Variants in CEP104 observed in about 807,000 individuals in gnomAD.
The protein encoded by CEP104 is centrosomal protein of 104 kDa.
In CEP104, 84 loss-of-function variants were observed where a neutral mutation model predicts 113.3. The ratio of observed to expected loss-of-function variants is 0.74; its 90% confidence interval spans 0.62 to 0.89. The LOEUF (loss-of-function observed/expected upper bound fraction) is 0.89, where lower values mean the gene tolerates loss of function less well. Among genes scored for constraint, CEP104 ranks in the 40% least tolerant of loss-of-function variants. The probability of loss-of-function intolerance (pLI) is 0.00; values close to 1 mark genes in which losing one functional copy is unlikely to be tolerated. For synonymous variants in CEP104, 378 were observed against 421.7 expected (o/e 0.90, Z 1.27); for missense variants, 1,053 against 1,156.6 (o/e 0.91, Z 1.30).
intron 2 of CEP104, 46 bp downstream of exon 2, chr1:3,852,248 AC>A: frequency 1.3e-6 from 2 of 1,575,142 alleles, no homozygotes; most frequent in Non-Finnish European, 1.7e-6. Context: ...CTCCTCAGGG[AC>A]CCGAGGCTGC....
rs1477338236 is a variant in CEP104, at chr1:3,848,739, C to T, written c.156G>A (p.Glu52=). 6.2e-7 allele frequency: 1 copy of T among 1,612,002 alleles called. No homozygotes were observed. Among genetic ancestry groups the T allele is most frequent in the African/African-American group, 1.3e-5 (1 of 74,790 alleles). ...ACTGCAGTTTCCTTATTCGACATCT[C>T]TCCACCATTTGAAGGACAATTTCTT... ...FPQEIVLQMV[E]RCRIRKLQLL... Residue 52 remains glutamate (E), a synonymous_variant, in exon 3 of 22, where the codon GAG becomes GAA. Transcript: ENST00000378230.
chr1:3,828,417 T>C (rs1306058127), intron 15 of CEP104, among the ~76,000 whole-genome samples: 1 of 152,192 alleles, frequency 6.6e-6, no homozygotes, highest in Non-Finnish European at 1.5e-5. Context: ...CAGCATTTGG[T>C]GGAAATGTCA....
rs374111786 is a variant in CEP104 at position 3,816,422 on chromosome 1, C to T, written c.2572-52G>A. The stretch of plus-strand genomic sequence containing the variant: ...TTAATCAGGCGAGACGGACCTGGCA[C>T]GCTACCTGAGACCCAAAAGGACTCG... On this transcript the variant is annotated intron_variant, in intron 20 of 21. Coordinates refer to ENST00000378230, the MANE Select transcript of CEP104 (RefSeq NM_014704.4). 2.8e-5 allele frequency: 40 copies of T among 1,434,798 alleles called. 1 individual carries two copies. Among genetic ancestry groups the T allele is most frequent in the East Asian group, 2.8e-4 (11 of 39,728 alleles). 88.9% of individuals were successfully genotyped at this position (1,434,798 alleles called of 1,614,324 possible). A position where few individuals can be genotyped will look rare whatever the true frequency, so the allele number is the denominator to read the frequency against.
chr1:3,835,728 G>A (rs574756462), intron 10 of CEP104, among the ~76,000 whole-genome samples: 25 of 152,240 alleles, frequency 1.6e-4, no homozygotes, highest in African/African-American at 4.1e-4. Flanking sequence ...ATCCTTTTGC[G>A]CTGGAATTAG....
intron 4 of CEP104, among the ~76,000 whole-genome samples, chr1:3,846,043 C>A (rs1644500336): frequency 7.0e-6 from 1 of 143,314 alleles, no homozygotes; most frequent in African/African-American, 2.7e-5. Flanking sequence ...TGCACCACTG[C>A]ACTCCAGCCT....
At position 3,837,535 on chromosome 1, in the gene CEP104, G is replaced by C. The variant is rs1480557281; in HGVS notation, c.892-16C>G. ...GTCTTCGCATCTAGAGAACAAAAAG[G>C]AACATTTAATTTCAAATGCCACTGC... On this transcript the variant is annotated splice_polypyrimidine_tract_variant and intron_variant, in intron 8 of 21. Coordinates refer to ENST00000378230, the MANE Select transcript of CEP104 (RefSeq NM_014704.4). The C allele has an allele frequency of 2.5e-6, 4 of 1,608,452 alleles. No homozygotes were observed. Among genetic ancestry groups the C allele is most frequent in the Admixed American group, 3.3e-5 (2 of 59,902 alleles).
rs1643813931 is a variant in CEP104 at position 3,812,609 on chromosome 1, G to A, written c.*2793C>T. The A allele has an allele frequency of 6.6e-6, 1 of 152,186 alleles. No homozygotes were observed. The highest frequency in any genetic ancestry group is 6.5e-5 in the Admixed American group (1 of 15,278). 9.4% of individuals were successfully genotyped at this position (152,186 alleles called of 1,614,324 possible). ...AATTCCAGCACTTTGGGAGGCCGAGGTGGGTGGATCACAAGGTCAGGAGTT... is the reference window on the plus strand; with the variant it reads ...AATTCCAGCACTTTGGGAGGCCGAGATGGGTGGATCACAAGGTCAGGAGTT... On this transcript the variant is annotated 3_prime_UTR_variant, in exon 22 of 22. Transcript: ENST00000378230.
At chr1:3,837,271 A>G (rs1644332121) in intron 9 of CEP104, 21 bp downstream of exon 9, 2 of 1,583,548 alleles carry the variant, frequency 1.3e-6, no homozygotes, top group Non-Finnish European at 1.7e-6. Flanking sequence ...TTGAACGCCA[A>G]TCTGAAACAG....
chr1:3,823,636 G>A lies in CEP104; in HGVS notation c.2365-74C>T, dbSNP rs185018863. On this transcript the variant is annotated intron_variant, in intron 18 of 21. Transcript: ENST00000378230. This position sits in a 1 kb window ranked among gnomAD's most constrained non-coding sequence, Gnocchi z 4.1. ...GCCCTCCAGCCAGCCTGCAGAGCCT[G>A]TGAGCGCCTCCCCTGCCCAGGGAGG... 3.1e-6 allele frequency: 5 copies of A among 1,589,856 alleles called. No individual in the cohort carries two copies. The East Asian group carries it at 8.9e-5, about 28-fold the overall frequency.
chr1:3,854,984 G>A (rs533507285), intron 1 of CEP104, among the ~76,000 whole-genome samples: 9 of 148,846 alleles, frequency 6.0e-5, no homozygotes, highest in African/African-American at 5.0e-5. Context: ...TGATTCTCCC[G>A]CCTCAGCCTC....
At chr1:3,852,987 G>A (rs1445999291) in intron 1 of CEP104, among the ~76,000 whole-genome samples, 1 of 152,248 alleles carries the variant, frequency 6.6e-6, no homozygotes, top group Non-Finnish European at 1.5e-5. Context: ...TCCAGAGCGA[G>A]AGTGCAGCCC....
At chr1:3,829,612 G>A in intron 14 of CEP104, 179 bp downstream of exon 14, 1 of 712,460 alleles carries the variant, frequency 1.4e-6, no homozygotes, top group Non-Finnish European at 2.3e-6. Flanking sequence ...GGTCTCACTG[G>A]CAGAAAGTGG....
intron 20 of CEP104, among the ~76,000 whole-genome samples, chr1:3,821,803 A>G (rs1643978861): frequency 6.6e-6 from 1 of 152,252 alleles, no homozygotes; most frequent in African/African-American, 2.4e-5. Flanking sequence ...GAGAAGCCCT[A>G]CGGGGCAAAC....
At position 3,825,445 on chromosome 1, in the gene CEP104, C is replaced by T. The variant is rs9424290; in HGVS notation, c.2364+313G>A. On this transcript the variant is annotated intron_variant, in intron 18 of 21. Coordinates refer to ENST00000378230, the MANE Select transcript of CEP104 (RefSeq NM_014704.4). ...CTATAAAGCAAGAAATCCAACATGA[C>T]GCCACATGGTTCCGTTTCTACAAAG... Among the ~76,000 whole-genome samples, 13,624 of 152,132 alleles carry T rather than the reference C, an allele frequency of 0.09. 1,655 individuals carry two copies. Among genetic ancestry groups the T allele is most frequent in the East Asian group, 0.61 (3,118 of 5,136 alleles).
chr1:3,834,135 G>A (rs1215356741), intron 11 of CEP104, 100 bp from the exon 12 acceptor site: 9 of 982,998 alleles, frequency 9.2e-6, no homozygotes, highest in Admixed American at 4.7e-5. Flanking sequence ...ACATTATATC[G>A]AAAATGACAT....
Position 3,848,635 on chromosome 1 carries a change from T to G in CEP104, c.260A>C (p.Tyr87Ser). 6.2e-7 allele frequency: 1 copy of G among 1,613,496 alleles called. No homozygotes were observed. Among genetic ancestry groups the G allele is most frequent in the Non-Finnish European group, 8.5e-7 (1 of 1,179,886 alleles). Residue 87 changes from tyrosine (Y) to serine (S), a missense_variant, in exon 3 of 22, where the codon TAT (tyrosine) becomes TCT (serine). By Grantham distance (144) the Tyr-to-Ser change is moderately radical (BLOSUM62 -2). Coordinates refer to ENST00000378230, the MANE Select transcript of CEP104 (RefSeq NM_014704.4). ...SESLPEYFAPYQAERFRRLGY... is the reference protein window; with the variant it reads ...SESLPEYFAPSQAERFRRLGY... ...AAGTCTTCGAAACCGCTCTGCTTGA[T>G]AGGGTGCAAAATATTCAGGCAAGCT...
chr1:3,842,223 G>A (rs2124681891), intron 6 of CEP104, among the ~76,000 whole-genome samples: 1 of 152,328 alleles, frequency 6.6e-6, no homozygotes, highest in African/African-American at 2.4e-5. Flanking sequence ...GGGACTACAG[G>A]TGCCCGCCAC....
At chr1:3,848,218 G>A (rs914263755) in intron 3 of CEP104, among the ~76,000 whole-genome samples, 4 of 152,140 alleles carry the variant, frequency 2.6e-5, no homozygotes, top group Non-Finnish European at 4.4e-5. Flanking sequence ...AGGACCAAAA[G>A]TTAAGGGACA....
intron 11 of CEP104, 98 bp downstream of exon 11, chr1:3,834,827 G>A (rs976710493): frequency 1.8e-6 from 2 of 1,129,668 alleles, no homozygotes; most frequent in Non-Finnish European, 2.5e-6. Flanking sequence ...CCACGTCAAT[G>A]ACCAACTGGT....
Sources: gnomAD v4.1 joint callset for allele counts (sites outside exome capture counted in the v4.1 genomes callset) on GRCh38, gnomAD v4.1.1 for gene constraint, Gnocchi (gnomAD v3.1) non-coding constraint, MANE v1.5 for transcripts, NCBI Gene and HGNC (gene_info 2026-07-23, HGNC 2026-07-21) for gene names.